PTPRK: variants seen among roughly 807,000 people sequenced by gnomAD.
PTPRK encodes the protein protein tyrosine phosphatase receptor type K.
In PTPRK, 75 loss-of-function variants were observed where a neutral mutation model predicts 178.0. The observed-to-expected ratio is 0.42, with a 90% CI of 0.35 to 0.51. The LOEUF (loss-of-function observed/expected upper bound fraction) is 0.51. PTPRK is among the 20% of genes least tolerant of loss of function. The pLI is 0.02. For synonymous variants in PTPRK, 637 were observed against 620.6 expected (o/e 1.03, Z -0.39); for missense variants, 1,441 against 1,797.8 (o/e 0.80, Z 3.59).
At chr6:128,343,101 C>A (rs1423182576) in intron 2 of PTPRK, among the ~76,000 whole-genome samples, 1 of 152,118 alleles carries the variant, frequency 6.6e-6, no homozygotes, top group Non-Finnish European at 1.5e-5. Context: ...ACAAACATTT[C>A]TTTTAGAATC....
intron 7 of PTPRK, among the ~76,000 whole-genome samples, chr6:128,125,087 T>A (rs147130350): frequency 6.6e-6 from 1 of 152,362 alleles, no homozygotes; most frequent in East Asian, 1.9e-4. Flanking sequence ...CACATTCTAT[T>A]GTTTCAAATT....
intron 13 of PTPRK, chr6:128,062,236 T>C (rs537097895): frequency 6.0e-5 from 10 of 166,128 alleles, no homozygotes; most frequent in African/African-American, 2.4e-4. Context: ...TTTTGAGACA[T>C]AGTCTCACTC....
chr6:128,364,012 A>G (rs1835129082), intron 2 of PTPRK, among the ~76,000 whole-genome samples: 1 of 152,128 alleles, frequency 6.6e-6, no homozygotes, highest in African/African-American at 2.4e-5. Context: ...ATTTTTTTAT[A>G]GATGAGAGAA....
chr6:127,981,886 G>A (rs1208378033), intron 24 of PTPRK, among the ~76,000 whole-genome samples: 1 of 152,140 alleles, frequency 6.6e-6, no homozygotes, highest in African/African-American at 2.4e-5. Flanking sequence ...GGAGTGCAGT[G>A]GCAATATCTT....
At chr6:128,200,340 G>C in intron 6 of PTPRK, among the ~76,000 whole-genome samples, 1 of 152,088 alleles carries the variant, frequency 6.6e-6, no homozygotes, top group Non-Finnish European at 1.5e-5. Context: ...AGGGGATTTA[G>C]CTCATGATTT....
At chr6:128,491,434 C>CAA (rs1181586620) in intron 1 of PTPRK, among the ~76,000 whole-genome samples, 1 of 152,182 alleles carries the variant, frequency 6.6e-6, no homozygotes, top group Non-Finnish European at 1.5e-5. Flanking sequence ...CAGTGGGACA[C>CAA]AAAGGCTTTT....
chr6:128,183,554 C>T (rs899475326), intron 7 of PTPRK, among the ~76,000 whole-genome samples: 10 of 152,056 alleles, frequency 6.6e-5, no homozygotes, highest in Admixed American at 1.3e-4. Context: ...TTCTACGATA[C>T]ATCAGGTAAC....
Position 128,520,533 on chromosome 6 carries a change from G to T in PTPRK, c.-175C>A, listed in dbSNP as rs1858902692. 2 of 591,072 alleles carry T rather than the reference G, an allele frequency of 3.4e-6. No individual in the cohort carries two copies. The highest frequency in any genetic ancestry group is 3.0e-5 in the Admixed American group (1 of 32,854). The allele number at this position is 591,072 out of a possible 1,614,324, so 36.6% of individuals were successfully genotyped here. ...GCCAAACTACCTCAGGGGCGAAAGC[G>T]TCGCCAGCGTCGCCGGCCGGCCGCG... On this transcript the variant is annotated 5_prime_UTR_variant, in exon 1 of 30. Transcript: ENST00000368226.
intron 1 of PTPRK, among the ~76,000 whole-genome samples, chr6:128,490,953 G>T (rs1288458303): frequency 6.6e-6 from 1 of 152,078 alleles, no homozygotes; most frequent in Non-Finnish European, 1.5e-5. Context: ...CCACTCTTAT[G>T]ACATCATTTA....
chr6:127,982,359 G>A (rs1470248439), intron 24 of PTPRK, among the ~76,000 whole-genome samples: 1 of 151,806 alleles, frequency 6.6e-6, no homozygotes, highest in African/African-American at 2.4e-5. Context: ...TGCAAGCTCC[G>A]CCTGCCAGGT....
chr6:128,372,562 A>AT (rs1836438060), intron 2 of PTPRK, among the ~76,000 whole-genome samples: 1 of 152,218 alleles, frequency 6.6e-6, no homozygotes, highest in African/African-American at 2.4e-5. Flanking sequence ...AAGAGTTGAA[A>AT]AGCAGGCCAG....
intron 14 of PTPRK, among the ~76,000 whole-genome samples, chr6:128,007,180 G>A (rs1456383196): frequency 6.6e-6 from 1 of 150,746 alleles, no homozygotes; most frequent in Non-Finnish European, 1.5e-5. Flanking sequence ...TGTGATTAAA[G>A]CATACATGGT....
At chr6:128,364,651 A>C (rs898571070) in intron 2 of PTPRK, among the ~76,000 whole-genome samples, 1 of 152,092 alleles carries the variant, frequency 6.6e-6, no homozygotes, top group Non-Finnish European at 1.5e-5. Context: ...ATAAATAAAT[A>C]ACCTCCTCCT....
At chr6:128,324,373 T>A (rs995244168) in intron 2 of PTPRK, among the ~76,000 whole-genome samples, 1 of 152,164 alleles carries the variant, frequency 6.6e-6, no homozygotes, top group Non-Finnish European at 1.5e-5. Flanking sequence ...CACATTTTAA[T>A]TATATAGCAT....
At chr6:128,397,839 T>C in intron 1 of PTPRK, 151 bp from the exon 2 acceptor site, 1 of 783,720 alleles carries the variant, frequency 1.3e-6, no homozygotes, top group Non-Finnish European at 1.9e-6. Context: ...TCTCTTTAAA[T>C]TTTCACAGAA....
intron 1 of PTPRK, among the ~76,000 whole-genome samples, chr6:128,513,513 G>GAAATAAAT (rs1393462558): frequency 1.3e-5 from 2 of 149,272 alleles, no homozygotes; most frequent in African/African-American, 4.9e-5. Flanking sequence ...AAGAAAGAAA[G>GAAATAAAT]AAATAAAGAA....
intron 15 of PTPRK, chr6:128,003,127 T>A: frequency 6.9e-7 from 1 of 1,449,556 alleles, no homozygotes; most frequent in Non-Finnish European, 9.5e-7. Flanking sequence ...AAATAATCTC[T>A]ATGTGGGCAA....
intron 2 of PTPRK, among the ~76,000 whole-genome samples, chr6:128,391,003 G>C (rs577691128): frequency 6.6e-6 from 1 of 152,178 alleles, no homozygotes; most frequent in Admixed American, 6.5e-5. Context: ...GATGGAGCCA[G>C]GGTGGTATAG....
intron 7 of PTPRK, among the ~76,000 whole-genome samples, chr6:128,145,597 A>C (rs143964025): frequency 1.3e-5 from 2 of 152,120 alleles, no homozygotes; most frequent in African/African-American, 4.8e-5. Context: ...AAATTGAAGA[A>C]ATAATTGAGT....
Sources: allele counts gnomAD v4.1 joint callset (sites outside exome capture counted in the v4.1 genomes callset), GRCh38; gene constraint gnomAD v4.1.1; transcripts MANE v1.5; gene names NCBI Gene and HGNC (gene_info 2026-07-23, HGNC 2026-07-21).